SAMD12: variants seen among roughly 807,000 people sequenced by gnomAD.
SAMD12 encodes sterile alpha motif domain containing 12.
Under a neutral mutation model 15.0 loss-of-function variants are expected in SAMD12, and 9 were observed. The observed-to-expected ratio is 0.60, with a 90% CI of 0.36 to 1.05. The LOEUF is 1.05. SAMD12 is among the 50% of genes least tolerant of loss of function. The pLI is 0.01. For missense variants in SAMD12, 230 were observed against 234.2 expected (o/e 0.98, Z 0.12); for synonymous variants, 86 against 90.1 (o/e 0.96, Z 0.25).
At chr8:118,621,502 T>C (rs909508481) in intron 1 of SAMD12, 4 of 471,574 alleles carry the variant, frequency 8.5e-6, no homozygotes, top group South Asian at 3.4e-5. Context: ...CAAAACCTCA[T>C]GCCGGATCCT....
At chr8:118,215,677 A>C in intron 4 of SAMD12, among the ~76,000 whole-genome samples, 3 of 143,344 alleles carry the variant, frequency 2.1e-5, no homozygotes, top group East Asian at 2.0e-4. Context: ...ACGTGATCTC[A>C]TTGTTCAATT....
In SAMD12 at chr8:118,371,372, T is replaced by C. The variant is rs536681543; in HGVS notation, c.433+8188A>G. On this transcript the variant is annotated intron_variant, in intron 4 of 4. Transcript: ENST00000409003. ...AGATCAAATGATAACTAGAATGTTA[T>C]TCAAATGGCCTGGGAAAGAGCTGAA... is the stretch of plus-strand genomic sequence containing the variant. Among the ~76,000 whole-genome samples the C allele has an allele frequency of 6.6e-5, 10 of 152,200 alleles. No homozygotes were observed. The South Asian group carries it at 2.1e-3, about 32-fold the overall frequency.
chr8:118,364,724 C>T (rs1202606426), intron 4 of SAMD12, among the ~76,000 whole-genome samples: 2 of 152,128 alleles, frequency 1.3e-5, no homozygotes, highest in African/African-American at 4.8e-5. Context: ...CAAAACAATT[C>T]TGCTGCAAGA....
chr8:118,304,759 CATAAATAA>C (rs55985938), intron 4 of SAMD12, among the ~76,000 whole-genome samples: 41,746 of 141,420 alleles, frequency 0.3, 6,787 homozygotes, highest in African/African-American at 0.43. Flanking sequence ...GACTCCATCT[CATAAATAA>C]ATAAATAAAT....
At chr8:118,160,133 G>C in the SAMD12 span, among the ~76,000 whole-genome samples, 200 of 152,180 alleles carry the variant, frequency 1.3e-3, no homozygotes, top group African/African-American at 4.6e-3. Flanking sequence ...AAAATATATA[G>C]CATCCAACAA....
chr8:118,429,719 T>A (rs1327560395), intron 3 of SAMD12, among the ~76,000 whole-genome samples: 1 of 151,940 alleles, frequency 6.6e-6, no homozygotes, highest in Non-Finnish European at 1.5e-5. Context: ...CATTGTGAAA[T>A]CCTGTCTCTA....
At chr8:118,449,759 C>T (rs1251569029) in intron 2 of SAMD12, among the ~76,000 whole-genome samples, 1 of 139,282 alleles carries the variant, frequency 7.2e-6, no homozygotes, top group African/African-American at 2.7e-5. Flanking sequence ...AGAGATGGTG[C>T]CACTGCACTC....
chr8:118,215,780 C>A (rs1391570112), intron 4 of SAMD12, among the ~76,000 whole-genome samples: 1 of 152,148 alleles, frequency 6.6e-6, no homozygotes, highest in Non-Finnish European at 1.5e-5. Context: ...CATGTCCCTA[C>A]AAAGGACATG....
intron 4 of SAMD12, among the ~76,000 whole-genome samples, chr8:118,347,644 TATA>T (rs149219742): frequency 0.079 from 12,077 of 152,208 alleles, 788 homozygotes; most frequent in East Asian, 0.15. Flanking sequence ...CCTATTTGAC[TATA>T]ATATTTTTTA....
chr8:118,412,019 A>G (rs1414017956), intron 3 of SAMD12, among the ~76,000 whole-genome samples: 1 of 152,212 alleles, frequency 6.6e-6, no homozygotes, highest in Non-Finnish European at 1.5e-5. Flanking sequence ...AACAAAGACC[A>G]TATGTGGCAA....
chr8:118,205,468 A>T (rs1819835975), intron 4 of SAMD12, among the ~76,000 whole-genome samples: 1 of 152,318 alleles, frequency 6.6e-6, no homozygotes. Flanking sequence ...CCTTTACTCC[A>T]CAAATGCAGA....
chr8:118,276,174 C>T (rs191994056), intron 4 of SAMD12, among the ~76,000 whole-genome samples: 35 of 152,284 alleles, frequency 2.3e-4, no homozygotes, highest in Non-Finnish European at 4.4e-4. Context: ...CAACCTTCTT[C>T]CTTGCATTGT....
chr8:118,163,878 CAAAACAA>C, the SAMD12 span, among the ~76,000 whole-genome samples: 1 of 5,512 alleles, frequency 1.8e-4, no homozygotes, highest in South Asian at 3.6e-3. Flanking sequence ...CCGTCTCAAA[CAAAACAA>C]AACAAAACAA....
At chr8:118,594,578 A>G (rs891520229) in intron 1 of SAMD12, among the ~76,000 whole-genome samples, 3 of 152,178 alleles carry the variant, frequency 2.0e-5, no homozygotes, top group Admixed American at 1.3e-4. Context: ...GAAAGTAATA[A>G]TAAGAGGCTG....
chr8:118,263,588 T>C (rs942344178), intron 4 of SAMD12, among the ~76,000 whole-genome samples: 1 of 151,884 alleles, frequency 6.6e-6, no homozygotes, highest in Non-Finnish European at 1.5e-5. Flanking sequence ...CACTGAAAGA[T>C]GGGGAGTAAA....
intron 4 of SAMD12, among the ~76,000 whole-genome samples, chr8:118,312,406 A>T (rs564868775): frequency 6.6e-6 from 1 of 152,222 alleles, no homozygotes; most frequent in East Asian, 1.9e-4. Context: ...CATCCCCTCC[A>T]TGCCTCTGAT....
chr8:118,595,935 C>G (rs558388547), intron 1 of SAMD12, among the ~76,000 whole-genome samples: 92 of 152,368 alleles, frequency 6.0e-4, no homozygotes, highest in African/African-American at 2.1e-3. Flanking sequence ...GGCAGAGTGT[C>G]TGTCCCTATA....
chr8:118,452,988 T>C (rs7838136), intron 2 of SAMD12, among the ~76,000 whole-genome samples: 3,700 of 152,302 alleles, frequency 0.024, 136 homozygotes, highest in African/African-American at 0.084. Flanking sequence ...CTTCCTCCTC[T>C]TGTCTCTTCT....
chr8:118,270,350 T>G (rs563509614), intron 4 of SAMD12, among the ~76,000 whole-genome samples: 7 of 152,328 alleles, frequency 4.6e-5, no homozygotes, highest in African/African-American at 1.7e-4. Flanking sequence ...TTCTTTCCTT[T>G]TATATGTTTG....
Sources: gnomAD v4.1 joint callset for allele counts (sites outside exome capture counted in the v4.1 genomes callset) on GRCh38, gnomAD v4.1.1 for gene constraint, MANE v1.5 for transcripts, NCBI Gene and HGNC (gene_info 2026-07-23, HGNC 2026-07-21) for gene names.